RAPGEF1: variants seen among roughly 807,000 people sequenced by gnomAD.
RAPGEF1 encodes CRK SH3-binding GNRP.
RAPGEF1 carries 33 observed loss-of-function variants against 143.3 expected under a neutral mutation model. That is an observed-to-expected ratio of 0.23 (90% confidence interval 0.17 to 0.31). The LOEUF is 0.31. Among genes scored for constraint, RAPGEF1 ranks in the 10% least tolerant of loss-of-function variants. The pLI is 1.00. For synonymous variants in RAPGEF1, 629 were observed against 676.5 expected, an observed-to-expected ratio of 0.93 and a Z score of 1.09; for missense variants, 1,199 against 1,645.4, an observed-to-expected ratio of 0.73 and a Z score of 4.69.
At position 131,667,730 on chromosome 9, in the gene RAPGEF1, T is replaced by A. The variant is rs975886837; in HGVS notation, c.62-16781A>T. Among the ~76,000 whole-genome samples, 1 of 152,170 alleles carries A rather than the reference T, an allele frequency of 6.6e-6. No homozygotes were observed. The highest frequency in any genetic ancestry group is 6.5e-5 in the Admixed American group (1 of 15,278). The stretch of plus-strand genomic sequence containing the variant: ...GGCCTAGGGCAGCCTATCCACGTAT[T>A]CCCGTCCCACCCACGTCTCAGATGG... On this transcript the variant is annotated intron_variant, in intron 1 of 26. Transcript: ENST00000683357. The surrounding 1 kb of genome is among the most constrained non-coding windows in gnomAD (Gnocchi z 4.6).
intron 1 of RAPGEF1, among the ~76,000 whole-genome samples, chr9:131,727,203 T>C (rs1478361843): frequency 1.3e-5 from 2 of 152,182 alleles, no homozygotes; most frequent in Admixed American, 6.5e-5. Flanking sequence ...GGCTCAGACC[T>C]GACTGAACTA....
intron 1 of RAPGEF1, among the ~76,000 whole-genome samples, chr9:131,699,023 G>A (rs1386849200): frequency 6.6e-6 from 1 of 152,194 alleles, no homozygotes; most frequent in Non-Finnish European, 1.5e-5. Context: ...CTTGAGCGAT[G>A]TTTCCATCTC....
rs190621924 is a variant in RAPGEF1, at chr9:131,664,326, C to T, written c.62-13377G>A. 1.1e-4 allele frequency among the ~76,000 whole-genome samples: 17 copies of T among 152,246 alleles called. No homozygotes were observed. In the East Asian group the frequency reaches 2.9e-3, roughly 26 times the overall value. On this transcript the variant is annotated intron_variant, in intron 1 of 26. Coordinates refer to ENST00000683357, the MANE Select transcript of RAPGEF1 (RefSeq NM_001377935.1). ...TGGTATTTAGAAACCAAGATCGGGGCATTAGATGTGCTCATTGCCACTGGG... is the reference window on the plus strand; with the variant it reads ...TGGTATTTAGAAACCAAGATCGGGGTATTAGATGTGCTCATTGCCACTGGG...
At chr9:131,585,642 A>G (rs1344466935) in intron 22 of RAPGEF1, among the ~76,000 whole-genome samples, 1 of 152,076 alleles carries the variant, frequency 6.6e-6, no homozygotes, top group Non-Finnish European at 1.5e-5. Context: ...ATAGCTAAAC[A>G]TGCTTTTCCC....
intron 1 of RAPGEF1, among the ~76,000 whole-genome samples, chr9:131,734,867 G>C (rs900577080): frequency 1.3e-5 from 2 of 152,172 alleles, no homozygotes; most frequent in African/African-American, 4.8e-5. Flanking sequence ...CACACTGAGC[G>C]TGAGACACCT....
At chr9:131,736,565 A>G (rs1289034013) in intron 1 of RAPGEF1, among the ~76,000 whole-genome samples, 1 of 152,212 alleles carries the variant, frequency 6.6e-6, no homozygotes, top group African/African-American at 2.4e-5. Context: ...TGTCCCAAAG[A>G]ACAGCAATGA....
At position 131,578,078 on chromosome 9, in the gene RAPGEF1, A is replaced by T. The variant is rs557015328; in HGVS notation, c.*1419T>A. 6.6e-6 allele frequency: 1 copy of T among 152,298 alleles called. No individual in the cohort carries two copies. The highest frequency in any genetic ancestry group is 2.1e-4 in the South Asian group (1 of 4,822). 9.4% of individuals were successfully genotyped at this position (152,298 alleles called of 1,614,324 possible). ...TGCTGTTCACTTGACCACGTCCTAA[A>T]CCCGGGACAAGTGAGCACTCATTCA... On this transcript the variant is annotated 3_prime_UTR_variant, in exon 27 of 27. Transcript: ENST00000683357.
intron 13 of RAPGEF1, 65 bp downstream of exon 13, chr9:131,604,866 G>A (rs1272432072): frequency 4.4e-5 from 54 of 1,232,106 alleles, no homozygotes; most frequent in African/African-American, 6.3e-5. Flanking sequence ...TTTAAAAAAC[G>A]TGCAGCCCCA....
chr9:131,730,281 A>G (rs1393458310), intron 1 of RAPGEF1, among the ~76,000 whole-genome samples: 7 of 152,008 alleles, frequency 4.6e-5, no homozygotes, highest in African/African-American at 1.7e-4. Flanking sequence ...TTCAAAAGCT[A>G]TTTTGATGAT....
chr9:131,639,701 T>G (rs767770314), intron 4 of RAPGEF1, among the ~76,000 whole-genome samples: 1 of 151,980 alleles, frequency 6.6e-6, no homozygotes, highest in Non-Finnish European at 1.5e-5. Flanking sequence ...TGCTGCAACC[T>G]CCTCTACTCC....
At chr9:131,728,780 T>C (rs74969093) in intron 1 of RAPGEF1, among the ~76,000 whole-genome samples, 14,514 of 152,266 alleles carry the variant, frequency 0.095, 820 homozygotes, top group Middle Eastern at 0.28. Context: ...ATGGTCACTT[T>C]AGAGTAGAAG....
At chr9:131,708,600 C>T (rs1045590336) in intron 1 of RAPGEF1, among the ~76,000 whole-genome samples, 1 of 152,092 alleles carries the variant, frequency 6.6e-6, no homozygotes, top group Non-Finnish European at 1.5e-5. Context: ...ACAGAAAGTA[C>T]CTTGAAAGTA....
At chr9:131,617,653 T>C (rs1029462274) in intron 12 of RAPGEF1, among the ~76,000 whole-genome samples, 2 of 152,170 alleles carry the variant, frequency 1.3e-5, no homozygotes, top group African/African-American at 4.8e-5. Flanking sequence ...ACTAAGACAA[T>C]GAGAGCAAGA....
rs1415890374 is a variant in RAPGEF1, at chr9:131,668,150, G to A, written c.62-17201C>T. 2.6e-5 allele frequency among the ~76,000 whole-genome samples: 4 copies of A among 152,250 alleles called. No homozygotes were observed. The South Asian group carries it at 8.3e-4, about 32-fold the overall frequency. On this transcript the variant is annotated intron_variant, in intron 1 of 26. Transcript: ENST00000683357. The stretch of plus-strand genomic sequence containing the variant: ...GAACAAAGCATGGAGATGATGTCCA[G>A]GGAGCCCCTCCCTTACCTGCCAGAG...
At chr9:131,652,153 C>T (rs1971228376) in intron 1 of RAPGEF1, among the ~76,000 whole-genome samples, 1 of 152,216 alleles carries the variant, frequency 6.6e-6, no homozygotes, top group Non-Finnish European at 1.5e-5. Flanking sequence ...ATTTAACCTT[C>T]ACTAAATTTA....
At chr9:131,687,609 G>T (rs1229945929) in intron 1 of RAPGEF1, among the ~76,000 whole-genome samples, 2 of 152,140 alleles carry the variant, frequency 1.3e-5, no homozygotes. Flanking sequence ...GGCTTTTAAT[G>T]GGAAGAAGCA....
At chr9:131,692,353 T>G (rs1397641663) in intron 1 of RAPGEF1, among the ~76,000 whole-genome samples, 1 of 152,258 alleles carries the variant, frequency 6.6e-6, no homozygotes, top group Non-Finnish European at 1.5e-5. Context: ...TTCGTTGTTT[T>G]TGAGTTTTTA....
chr9:131,593,900 C>A (rs764789047), intron 17 of RAPGEF1, among the ~76,000 whole-genome samples: 2 of 152,244 alleles, frequency 1.3e-5, no homozygotes, highest in Non-Finnish European at 2.9e-5. Flanking sequence ...AGTCAACTGG[C>A]CTTTGCGGGT....
intron 17 of RAPGEF1, among the ~76,000 whole-genome samples, chr9:131,593,820 A>G (rs1023925574): frequency 2.0e-5 from 3 of 152,134 alleles, no homozygotes; most frequent in African/African-American, 7.2e-5. Context: ...TTTTTGTTCA[A>G]AGAGTTTGGG....
Sources: allele counts gnomAD v4.1 joint callset (sites outside exome capture counted in the v4.1 genomes callset), GRCh38; gene constraint gnomAD v4.1.1; non-coding constraint Gnocchi (gnomAD v3.1); transcripts MANE v1.5; gene names NCBI Gene and HGNC (gene_info 2026-07-23, HGNC 2026-07-21).